ANKRD12: variants seen among roughly 807,000 people sequenced by gnomAD.
The protein encoded by ANKRD12 is ankyrin repeat domain 12.
ANKRD12 carries 85 observed loss-of-function variants against 183.4 expected under a neutral mutation model. The observed-to-expected ratio is 0.46, with a 90% CI of 0.39 to 0.56. The LOEUF (loss-of-function observed/expected upper bound fraction) is 0.56, where lower values mean the gene tolerates loss of function less well. Among genes scored for constraint, ANKRD12 ranks in the 20% least tolerant of loss-of-function variants. The pLI is 0.00. For missense variants in ANKRD12, 2,405 were observed against 2,357.1 expected, an observed-to-expected ratio of 1.02 and a Z score of -0.42; for synonymous variants, 914 against 800.2, an observed-to-expected ratio of 1.14 and a Z score of -2.40.
intron 1 of ANKRD12, among the ~76,000 whole-genome samples, chr18:9,159,415 C>T (rs1286213148): frequency 2.0e-5 from 3 of 151,958 alleles, no homozygotes; most frequent in Admixed American, 2.0e-4. Flanking sequence ...TATTCGCCAT[C>T]CATTTATTTT....
chr18:9,196,712 T>G (rs2034847616), intron 3 of ANKRD12, among the ~76,000 whole-genome samples: 1 of 152,244 alleles, frequency 6.6e-6, no homozygotes, highest in Non-Finnish European at 1.5e-5. Context: ...ACTGCTGTTG[T>G]GTGAATTAAA....
At chr18:9,213,889 A>T (rs2035944566) in intron 6 of ANKRD12, among the ~76,000 whole-genome samples, 1 of 151,966 alleles carries the variant, frequency 6.6e-6, no homozygotes, top group Non-Finnish European at 1.5e-5. Context: ...GACTCTAATC[A>T]AGCTTACTAA....
rs1284769314 is a variant in ANKRD12 at position 9,285,180 on chromosome 18, G to C, written c.*4054G>C. On this transcript the variant is annotated 3_prime_UTR_variant, in exon 13 of 13. Transcript: ENST00000262126. ...GCCGAGATCGTGCCACTGCACTCCAGCCTGGGCGACAGAGCGAGACTCCGT... is the reference window on the plus strand; with the variant it reads ...GCCGAGATCGTGCCACTGCACTCCACCCTGGGCGACAGAGCGAGACTCCGT... 6.6e-6 allele frequency: 1 copy of C among 150,616 alleles called. No homozygotes were observed. The highest frequency in any genetic ancestry group is 1.5e-5 in the Non-Finnish European group (1 of 67,774). 9.3% of individuals were successfully genotyped at this position (150,616 alleles called of 1,614,324 possible).
intron 8 of ANKRD12, among the ~76,000 whole-genome samples, chr18:9,249,249 C>T (rs2038143454): frequency 6.6e-6 from 1 of 152,104 alleles, no homozygotes; most frequent in Admixed American, 6.5e-5. Flanking sequence ...GTCTTCTTTT[C>T]CCTCAGTAAC....
intron 1 of ANKRD12, among the ~76,000 whole-genome samples, chr18:9,159,589 G>A (rs1031706767): frequency 2.6e-5 from 3 of 114,210 alleles, no homozygotes; most frequent in African/African-American, 9.7e-5. Context: ...CTGCCACCAC[G>A]CCTGGCTAAA....
In ANKRD12 at chr18:9,257,183, G is replaced by A; in HGVS notation, c.3916G>A (p.Glu1306Lys). 1 of 1,614,154 alleles carries A rather than the reference G, an allele frequency of 6.2e-7. No homozygotes were observed. The highest frequency in any genetic ancestry group is 8.5e-7 in the Non-Finnish European group (1 of 1,180,002). The change falls in exon 9 of 13, where the codon GAA (glutamate) becomes AAA (lysine). Residue 1306 changes from glutamate (E) to lysine (K), a missense_variant. By Grantham distance (56) the Glu-to-Lys change is moderately conservative. Coordinates refer to ENST00000262126, the MANE Select transcript of ANKRD12 (RefSeq NM_015208.5). ...LIISEGRPTI[E>K]VRRCSMPSVI... ...TATAAGCGAGGGGAGACCTACCATA[G>A]AAGTTCGAAGATGTAGCATGCCTTC... is the stretch of plus-strand genomic sequence containing the variant.
chr18:9,258,169 AAAC>A lies in ANKRD12; in HGVS notation c.4905_4907del (p.Asn1635del), dbSNP rs774758640. On this transcript the variant is annotated inframe_deletion, in exon 9 of 13. Transcript: ENST00000262126. ...CTCAGGTCATTTCACATGAAAAAGA[AAAC>A]AAACTGGAGAGTTTGGTTTTAACTC... 27 of 1,613,906 alleles carry A rather than the reference AAAC, an allele frequency of 1.7e-5. No homozygotes were observed. The highest frequency in any genetic ancestry group is 1.3e-4 in the Admixed American group (8 of 59,942).
intron 8 of ANKRD12, among the ~76,000 whole-genome samples, chr18:9,248,251 C>T (rs796349150): frequency 3.0e-4 from 46 of 152,292 alleles, no homozygotes; most frequent in African/African-American, 1.0e-3. Context: ...GATCAATTTT[C>T]TTAATTTTTG....
At chr18:9,144,123 C>T (rs924851715) in intron 1 of ANKRD12, among the ~76,000 whole-genome samples, 1 of 152,116 alleles carries the variant, frequency 6.6e-6, no homozygotes, top group Non-Finnish European at 1.5e-5. Flanking sequence ...ACATCATATC[C>T]TGTGGCCATT....
At chr18:9,140,310 C>T (rs985533273) in intron 1 of ANKRD12, among the ~76,000 whole-genome samples, 2 of 152,106 alleles carry the variant, frequency 1.3e-5, no homozygotes, top group African/African-American at 2.4e-5. Context: ...TGGATTTTTG[C>T]GTAGCCCTAC....
intron 8 of ANKRD12, chr18:9,235,691 A>G (rs879548389): frequency 8.8e-6 from 4 of 456,138 alleles, no homozygotes; most frequent in Non-Finnish European, 1.8e-5. Flanking sequence ...AAGTTGAACT[A>G]TACCAAGTGT....
At chr18:9,226,159 C>T (rs907425018) in intron 8 of ANKRD12, among the ~76,000 whole-genome samples, 2 of 152,168 alleles carry the variant, frequency 1.3e-5, no homozygotes, top group Non-Finnish European at 1.5e-5. Context: ...CACGGTGGCT[C>T]ACGCCTGTAA....
intron 2 of ANKRD12, among the ~76,000 whole-genome samples, chr18:9,191,161 T>A (rs376452915): frequency 1.2e-4 from 18 of 152,294 alleles, no homozygotes; most frequent in South Asian, 4.1e-4. Flanking sequence ...ATTGGGAAAA[T>A]AATGTTAAAT....
chr18:9,177,520 G>A (rs746336783), intron 1 of ANKRD12, among the ~76,000 whole-genome samples: 2 of 152,012 alleles, frequency 1.3e-5, no homozygotes, highest in Non-Finnish European at 1.5e-5. Flanking sequence ...TGTAATGATC[G>A]AGTCAGATTA....
Position 9,254,398 on chromosome 18 carries a change from T to C in ANKRD12, c.1131T>C (p.Asp377=), listed in dbSNP as rs1417106860. 4 of 1,605,178 alleles carry C rather than the reference T, an allele frequency of 2.5e-6. No individual in the cohort carries two copies. The highest frequency in any genetic ancestry group is 2.2e-5 in the East Asian group (1 of 44,696). The change falls in exon 9 of 13, where the codon GAT becomes GAC. Residue 377 remains aspartate (D), a synonymous_variant. Coordinates refer to ENST00000262126, the MANE Select transcript of ANKRD12 (RefSeq NM_015208.5). ...DDEEINKMID[D]RHILRKEQRK... ...AAGAAATTAATAAGATGATTGATGA[T>C]AGGCATATTCTTAGGAAAGAACAAC...
intron 3 of ANKRD12, among the ~76,000 whole-genome samples, chr18:9,196,378 C>A (rs1450454189): frequency 1.3e-5 from 2 of 152,028 alleles, no homozygotes; most frequent in Non-Finnish European, 2.9e-5. Flanking sequence ...TGTGTTTTAG[C>A]CCTGAACTAA....
At chr18:9,186,137 ATTTTTTT>A (rs11310603) in intron 2 of ANKRD12, among the ~76,000 whole-genome samples, 3 of 126,770 alleles carry the variant, frequency 2.4e-5, no homozygotes, top group Non-Finnish European at 5.0e-5. Flanking sequence ...TAAAAGTGTG[ATTTTTTT>A]TTTTTTTTTT....
intron 8 of ANKRD12, among the ~76,000 whole-genome samples, chr18:9,234,000 C>G (rs1160010892): frequency 1.3e-5 from 2 of 152,082 alleles, no homozygotes; most frequent in Non-Finnish European, 2.9e-5. Context: ...TGGGATGATC[C>G]CCTGGATTCT....
chr18:9,264,642 A>G (rs1448759050), intron 10 of ANKRD12, among the ~76,000 whole-genome samples: 1 of 152,246 alleles, frequency 6.6e-6, no homozygotes, highest in Middle Eastern at 3.2e-3. Flanking sequence ...TACAAAGAGA[A>G]GCAACAAATG....
Sources: gnomAD v4.1 joint callset for allele counts (sites outside exome capture counted in the v4.1 genomes callset) on GRCh38, gnomAD v4.1.1 for gene constraint, MANE v1.5 for transcripts, NCBI Gene and HGNC (gene_info 2026-07-23, HGNC 2026-07-21) for gene names.